Variants in WDPCP observed in about 807,000 individuals in gnomAD.
The protein encoded by WDPCP is WD repeat containing planar cell polarity effector, also known as WD repeat-containing and planar cell polarity effector protein fritz homolog.
In WDPCP, 71 loss-of-function variants were observed where a neutral mutation model predicts 93.1. The ratio of observed to expected loss-of-function variants is 0.76; its 90% CI spans 0.63 to 0.93. The LOEUF (loss-of-function observed/expected upper bound fraction) is 0.93, where lower values mean the gene tolerates loss of function less well. WDPCP is among the 40% of genes least tolerant of loss of function. WDPCP has a pLI of 0.00. For missense variants in WDPCP, 844 were observed against 887.4 expected, an observed-to-expected ratio of 0.95 and a Z score of 0.62; for synonymous variants, 315 against 315.0, an observed-to-expected ratio of 1.00 and a Z score of 0.00.
Position 63,185,255 on chromosome 2 carries a change from G to GAGTT in WDPCP, c.1916-10427_1916-10424dup, listed in dbSNP as rs201827189. ...CTTTTGGTCAGCATCCATTGCTAGA[G>GAGTT]AGTTAGTGTAATCCTTTGAGGGGTG... On this transcript the variant is annotated intron_variant, in intron 14 of 17. Transcript: ENST00000272321. 7.0e-3 allele frequency among the ~76,000 whole-genome samples: 1,061 copies of GAGTT among 152,314 alleles called. 3 individuals carry two copies. Among genetic ancestry groups the GAGTT allele is most frequent in the Non-Finnish European group, 9.6e-3 (653 of 68,020 alleles).
chr2:63,726,069 G>C (rs888697776), intron 2 of WDPCP, among the ~76,000 whole-genome samples: 2 of 152,034 alleles, frequency 1.3e-5, no homozygotes, highest in African/African-American at 4.8e-5. Context: ...GTCAATTTTT[G>C]CTTTTGTTGC....
chr2:63,605,885 G>A, intron 3 of WDPCP: 2 of 1,385,076 alleles, frequency 1.4e-6, no homozygotes, highest in Non-Finnish European at 2.1e-6. Context: ...ATTAGTTCAT[G>A]TGTCAGTTGT....
At chr2:63,470,112 G>A (rs532903719) in intron 6 of WDPCP, among the ~76,000 whole-genome samples, 14 of 152,008 alleles carry the variant, frequency 9.2e-5, no homozygotes, top group East Asian at 3.9e-4. Flanking sequence ...CCTTTTCTCC[G>A]TCTCTCTAAT....
chr2:63,312,674 C>G (rs1686268679), intron 13 of WDPCP, among the ~76,000 whole-genome samples: 2 of 152,128 alleles, frequency 1.3e-5, no homozygotes, highest in South Asian at 4.1e-4. Context: ...AAACCTGATA[C>G]AGAGTACAAG....
At chr2:63,317,101 G>A (rs189681376) in intron 12 of WDPCP, among the ~76,000 whole-genome samples, 24 of 152,180 alleles carry the variant, frequency 1.6e-4, no homozygotes, top group Admixed American at 3.9e-4. Context: ...AATCAATACC[G>A]TTAAAATGGC....
intron 12 of WDPCP, among the ~76,000 whole-genome samples, chr2:63,344,110 T>C (rs1689031064): frequency 6.6e-6 from 1 of 152,220 alleles, no homozygotes; most frequent in African/African-American, 2.4e-5. Context: ...ACATTTTAAA[T>C]ATTTTAATGT....
intron 13 of WDPCP, among the ~76,000 whole-genome samples, chr2:63,261,923 A>G (rs1296896632): frequency 6.6e-6 from 1 of 152,204 alleles, no homozygotes; most frequent in African/African-American, 2.4e-5. Flanking sequence ...AGCATTGTTT[A>G]TAACAGTGAA....
rs1352032472 is a variant in WDPCP at position 63,122,002 on chromosome 2, A to G, written c.*4T>C. On this transcript the variant is annotated 3_prime_UTR_variant, in exon 18 of 18. Coordinates refer to ENST00000272321, the MANE Select transcript of WDPCP (RefSeq NM_015910.7). The stretch of plus-strand genomic sequence containing the variant: ...AGAAGGCAGTTTTCTTTTTTTCTTA[A>G]TGTTTACACCAGACCAAAGTGAATC... 1.2e-6 allele frequency: 2 copies of G among 1,613,108 alleles called. No homozygotes were observed. The highest frequency in any genetic ancestry group is 3.3e-5 in the Admixed American group (2 of 59,950).
intron 1 of WDPCP, among the ~76,000 whole-genome samples, chr2:63,534,530 T>A (rs2106261312): frequency 6.6e-6 from 1 of 152,308 alleles, no homozygotes; most frequent in South Asian, 2.1e-4. Flanking sequence ...GTCAGCTTCA[T>A]CCCTGGGATG....
chr2:63,252,416 C>T (rs182295765), intron 14 of WDPCP, among the ~76,000 whole-genome samples: 498 of 152,240 alleles, frequency 3.3e-3, no homozygotes, highest in Non-Finnish European at 4.9e-3. Flanking sequence ...CAAAAAAGTA[C>T]TGGAAGTCCT....
At chr2:63,705,203 G>T (rs920472780) in intron 2 of WDPCP, among the ~76,000 whole-genome samples, 1 of 151,878 alleles carries the variant, frequency 6.6e-6, no homozygotes, top group Non-Finnish European at 1.5e-5. Flanking sequence ...TTCTTTATTA[G>T]TCTTGCTAGC....
intron 13 of WDPCP, among the ~76,000 whole-genome samples, chr2:63,300,142 G>T (rs4671478): frequency 0.8 from 121,223 of 151,464 alleles, 49,360 homozygotes; most frequent in East Asian, 0.96. Flanking sequence ...GGCCCTTTCT[G>T]CTAGGAGACC....
chr2:63,444,830 G>T (rs1246944995), intron 6 of WDPCP, among the ~76,000 whole-genome samples: 1 of 152,162 alleles, frequency 6.6e-6, no homozygotes, highest in African/African-American at 2.4e-5. Context: ...CACCCCGCCA[G>T]ACAAAAAGTA....
At chr2:63,785,407 T>C (rs754361855) in intron 2 of WDPCP, among the ~76,000 whole-genome samples, 2 of 147,426 alleles carry the variant, frequency 1.4e-5, no homozygotes, top group Admixed American at 1.3e-4. Flanking sequence ...GGTAGTGTCA[T>C]TTTTTTTTAG....
At chr2:63,814,577 G>A (rs988755787) in intron 1 of WDPCP, among the ~76,000 whole-genome samples, 1 of 152,156 alleles carries the variant, frequency 6.6e-6, no homozygotes, top group Admixed American at 6.5e-5. Context: ...CTGTTAGTCT[G>A]TTATTCTGTT....
chr2:63,829,429 G>T (rs577926280), upstream of WDPCP, among the ~76,000 whole-genome samples: 9 of 152,110 alleles, frequency 5.9e-5, no homozygotes, highest in Non-Finnish European at 1.2e-4. Context: ...GCCACTGTTT[G>T]GTTCAACTCC....
chr2:63,378,579 T>C, intron 11 of WDPCP, 70 bp from the exon 12 acceptor site: 1 of 1,604,918 alleles, frequency 6.2e-7, no homozygotes, highest in Non-Finnish European at 8.5e-7. Flanking sequence ...ATACTCATGT[T>C]TGCAGTCAGT....
At chr2:63,313,874 A>ATGTTTGTG (rs766720950) in intron 12 of WDPCP, among the ~76,000 whole-genome samples, 1 of 22,576 alleles carries the variant, frequency 4.4e-5, no homozygotes, top group African/African-American at 1.3e-4. Context: ...ATATATATAT[A>ATGTTTGTG]TATATATATA....
At chr2:63,525,971 T>C (rs750045408) in intron 1 of WDPCP, among the ~76,000 whole-genome samples, 4 of 152,200 alleles carry the variant, frequency 2.6e-5, no homozygotes, top group Admixed American at 6.5e-5. Context: ...ACCAGAAGTC[T>C]TTCCCAGATA....
Sources: gnomAD v4.1 joint callset for allele counts (sites outside exome capture counted in the v4.1 genomes callset) on GRCh38, gnomAD v4.1.1 for gene constraint, MANE v1.5 for transcripts, NCBI Gene and HGNC (gene_info 2026-07-23, HGNC 2026-07-21) for gene names.